The following FAM120B variants were observed in gnomAD, a reference collection of about 807,000 sequenced individuals.
FAM120B encodes the protein family with sequence similarity 120 member B, also known as constitutive coactivator of peroxisome proliferator-activated receptor gamma.
FAM120B carries 83 observed loss-of-function variants against 96.3 expected under a neutral mutation model. That is an observed-to-expected ratio of 0.86 (90% CI 0.72 to 1.03). The LOEUF is 1.03. FAM120B is among the 50% of genes least tolerant of loss of function. The pLI is 0.00. For missense variants in FAM120B, 1,027 were observed against 1,121.2 expected, an observed-to-expected ratio of 0.92 and a Z score of 1.20; for synonymous variants, 407 against 402.7, an observed-to-expected ratio of 1.01 and a Z score of -0.13.
At chr6:170,295,247 C>T (rs1014347905), upstream of FAM120B, 1 of 596,140 alleles carries the variant, frequency 1.7e-6, no homozygotes. The surrounding 1 kb of genome is among the most constrained non-coding windows in gnomAD (Gnocchi z 7.8). Flanking sequence ...ACCTTACCCC[C>T]CAACACACAC....
At chr6:170,396,243 C>T (rs985040032) in intron 9 of FAM120B, among the ~76,000 whole-genome samples, 3 of 152,076 alleles carry the variant, frequency 2.0e-5, no homozygotes, top group African/African-American at 7.2e-5. Context: ...GTAGAGACTT[C>T]GCAAGCTGCT....
At chr6:170,339,971 G>A (rs1041078305) in intron 4 of FAM120B, among the ~76,000 whole-genome samples, 22 of 151,856 alleles carry the variant, frequency 1.4e-4, no homozygotes, top group African/African-American at 5.1e-4. Context: ...GGTGTCTTAG[G>A]GTTGCTCTTC....
At chr6:170,321,341 A>T (rs1785273448) in intron 2 of FAM120B, among the ~76,000 whole-genome samples, 1 of 152,192 alleles carries the variant, frequency 6.6e-6, no homozygotes, top group Admixed American at 6.5e-5. Flanking sequence ...ACGCATAACC[A>T]CAGCCTTATA....
Position 170,335,035 on chromosome 6 carries a change from GT to G in FAM120B, c.2017+4495del, listed in dbSNP as rs763623737. Among the ~76,000 whole-genome samples, 181 of 139,264 alleles carry G rather than the reference GT, an allele frequency of 1.3e-3. 5 individuals are homozygous for G. In the East Asian group the frequency reaches 0.035, roughly 27 times the overall value. The allele number at this position is 139,264 out of a possible 152,430, so 91.4% of individuals were successfully genotyped here. ...CATGTGCGTAGTCAGGGTTTTTTGAGTTTTTTTTTTGTTTTTTTTTTTAATG... is the reference window on the plus strand; with the variant it reads ...CATGTGCGTAGTCAGGGTTTTTTGAGTTTTTTTTTGTTTTTTTTTTTAATG... On this transcript the variant is annotated intron_variant, in intron 4 of 10. Coordinates refer to ENST00000476287, the MANE Select transcript of FAM120B (RefSeq NM_032448.3).
At chr6:170,391,584 C>G (rs1790481377) in intron 8 of FAM120B, among the ~76,000 whole-genome samples, 1 of 152,008 alleles carries the variant, frequency 6.6e-6, no homozygotes, top group African/African-American at 2.4e-5. Context: ...AATTCTGGTC[C>G]CAGCAGGAAA....
At chr6:170,402,046 G>A (rs1016788659) in intron 9 of FAM120B, among the ~76,000 whole-genome samples, 5 of 152,248 alleles carry the variant, frequency 3.3e-5, no homozygotes, top group Admixed American at 1.3e-4. Context: ...TGCACCCTGC[G>A]TGTCCCACGC....
intron 8 of FAM120B, among the ~76,000 whole-genome samples, chr6:170,391,377 A>G (rs1790470940): frequency 6.6e-6 from 1 of 152,180 alleles, no homozygotes; most frequent in South Asian, 2.1e-4. Flanking sequence ...TCTACTAAAA[A>G]TACAAAAATG....
At position 170,339,778 on chromosome 6, in the gene FAM120B, CAA is replaced by C. The variant is rs35932232; in HGVS notation, c.2018-8355_2018-8354del. ...TGGATGACAGAGCGAGACTCCATCT[CAA>C]AAAAAAAAAAAAAAAAAGAATGTTG... is the stretch of plus-strand genomic sequence containing the variant. On this transcript the variant is annotated intron_variant, in intron 4 of 10. Coordinates refer to ENST00000476287, the MANE Select transcript of FAM120B (RefSeq NM_032448.3). Among the ~76,000 whole-genome samples the C allele has an allele frequency of 8.2e-3, 740 of 90,210 alleles. 4 individuals are homozygous for C. Among genetic ancestry groups the C allele is most frequent in the Middle Eastern group, 0.024 (3 of 126 alleles). 59.2% of individuals were successfully genotyped at this position (90,210 alleles called of 152,430 possible). A position where few individuals can be genotyped will look rare whatever the true frequency, so the allele number is the denominator to read the frequency against.
At chr6:170,311,786 A>G (rs1036287956) in intron 1 of FAM120B, among the ~76,000 whole-genome samples, 3 of 152,250 alleles carry the variant, frequency 2.0e-5, no homozygotes, top group Admixed American at 6.5e-5. Flanking sequence ...TTATTTTCAA[A>G]TAAAATTACC....
chr6:170,343,439 A>G (rs927701473), intron 4 of FAM120B, among the ~76,000 whole-genome samples: 10 of 152,096 alleles, frequency 6.6e-5, no homozygotes, highest in East Asian at 1.9e-4. Flanking sequence ...TAGTATTCAC[A>G]TAGGCATTCA....
chr6:170,320,101 A>G (rs556990652), intron 2 of FAM120B, among the ~76,000 whole-genome samples: 2 of 152,150 alleles, frequency 1.3e-5, no homozygotes, highest in Non-Finnish European at 2.9e-5. Context: ...GAATGTCTCA[A>G]AGGTACCTCA....
chr6:170,360,381 T>C (rs1194843628), intron 6 of FAM120B, among the ~76,000 whole-genome samples: 1 of 152,322 alleles, frequency 6.6e-6, no homozygotes, highest in East Asian at 1.9e-4. Context: ...ACCCCGTGGA[T>C]GTGCACACCC....
chr6:170,359,683 C>T (rs893092297), intron 6 of FAM120B, among the ~76,000 whole-genome samples: 14 of 152,282 alleles, frequency 9.2e-5, no homozygotes, highest in African/African-American at 3.1e-4. Flanking sequence ...AAGCCATCCT[C>T]CCGCCTGGGC....
Position 170,370,950 on chromosome 6 carries a change from A to G in FAM120B, c.2283+12632A>G, listed in dbSNP as rs1789148948. On this transcript the variant is annotated intron_variant, in intron 6 of 10. Coordinates refer to ENST00000476287, the MANE Select transcript of FAM120B (RefSeq NM_032448.3). The surrounding 1 kb of genome is among the most constrained non-coding windows in gnomAD (Gnocchi z 4.3). ...CCCCACCAAGCAAGAAATGGTGTATATATATCTCAATACGGATGGATGGAT... is the reference window on the plus strand; with the variant it reads ...CCCCACCAAGCAAGAAATGGTGTATGTATATCTCAATACGGATGGATGGAT... 6.6e-6 allele frequency among the ~76,000 whole-genome samples: 1 copy of G among 152,162 alleles called. No homozygotes were observed. The highest frequency in any genetic ancestry group is 1.5e-5 in the Non-Finnish European group (1 of 68,026).
upstream of FAM120B, among the ~76,000 whole-genome samples, chr6:170,305,266 C>T (rs904935222): frequency 2.0e-5 from 3 of 152,188 alleles, no homozygotes; most frequent in Non-Finnish European, 2.9e-5. Context: ...TCCCCAACCA[C>T]GATGAGCACT....
chr6:170,319,134 T>C lies in FAM120B; in HGVS notation c.1734+10T>C. 4 of 1,538,798 alleles carry C rather than the reference T, an allele frequency of 2.6e-6. No homozygotes were observed. The highest frequency in any genetic ancestry group is 3.5e-6 in the Non-Finnish European group (4 of 1,151,420). On this transcript the variant is annotated intron_variant, in intron 2 of 10. Coordinates refer to ENST00000476287, the MANE Select transcript of FAM120B (RefSeq NM_032448.3). ...CACTGAAATCTTAAAGGTATGTGTA[T>C]CTGCCCAGCCAATATGCCATGATTG...
At chr6:170,312,577 C>A (rs74522052) in intron 1 of FAM120B, among the ~76,000 whole-genome samples, 2,245 of 152,278 alleles carry the variant, frequency 0.015, 54 homozygotes, top group African/African-American at 0.052. Context: ...TCTCCCACTT[C>A]CCCTGTGACA....
At chr6:170,361,224 ATATATATATATACACG>A (rs1788405396) in intron 6 of FAM120B, among the ~76,000 whole-genome samples, 3 of 115,078 alleles carry the variant, frequency 2.6e-5, no homozygotes, top group Non-Finnish European at 5.7e-5. Context: ...ATATATATAT[ATATATATATATACACG>A]TATATATATA....
Position 170,317,425 on chromosome 6 carries a change from G to C in FAM120B, c.35G>C (p.Ser12Thr). 2 of 1,612,928 alleles carry C rather than the reference G, an allele frequency of 1.2e-6. No homozygotes were observed. The highest frequency in any genetic ancestry group is 1.7e-6 in the Non-Finnish European group (2 of 1,178,978). ...AGAGGTTTGCAAGGATTTGTGGGAA[G>C]TACCTGCCCACATATATGTACAGTA... ...GVRGLQGFVG[S>T]TCPHICTVVN... The change falls in exon 2 of 11, where the codon AGT becomes ACT. Residue 12 changes from serine to threonine, a missense_variant. Around this residue, in one of 3 missense-constraint regions of FAM120B, gnomAD observed 880 missense variants for 980.9 expected, o/e 0.90. Transcript: ENST00000476287.
Sources: allele counts gnomAD v4.1 joint callset (sites outside exome capture counted in the v4.1 genomes callset), GRCh38; gene constraint gnomAD v4.1.1; regional missense constraint gnomAD v4.1.1; non-coding constraint Gnocchi (gnomAD v3.1); transcripts MANE v1.5; gene names NCBI Gene and HGNC (gene_info 2026-07-23, HGNC 2026-07-21).